The following DKKL1 variants were observed in gnomAD, a reference collection of about 807,000 sequenced individuals.
The protein encoded by DKKL1 is dickkopf-like protein 1.
DKKL1 carries 11 observed loss-of-function variants against 16.5 expected under a neutral mutation model. The observed-to-expected ratio is 0.67, with a 90% confidence interval of 0.42 to 1.10. The LOEUF (loss-of-function observed/expected upper bound fraction) is 1.10. Ranked by LOEUF, DKKL1 falls within the 50% of genes least tolerant of loss-of-function variation. DKKL1 has a pLI of 0.00. For missense variants in DKKL1, 320 were observed against 308.1 expected, an observed-to-expected ratio of 1.04 and a Z score of -0.29; for synonymous variants, 119 against 133.2, an observed-to-expected ratio of 0.89 and a Z score of 0.73.
Position 49,364,737 on chromosome 19 carries a change from A to T in DKKL1, c.166A>T (p.Ser56Cys). The change falls in exon 2 of 5, where the codon AGC becomes TGC. Residue 56 changes from serine to cysteine, a missense_variant. Physicochemically the swap from Ser to Cys is moderately radical, Grantham distance 112. Coordinates refer to ENST00000221498, the MANE Select transcript of DKKL1 (RefSeq NM_014419.4). ...CCTCCAGAGCCTACTCCAAGGCTTC[A>T]GCCGACTTTTCCTGAAAGTAAGCGA... ...TGLQSLLQGF[S>C]RLFLKGNLLR... The T allele has an allele frequency of 6.2e-7, 1 of 1,612,636 alleles. No individual in the cohort carries two copies. The highest frequency in any genetic ancestry group is 1.3e-5 in the African/African-American group (1 of 74,946).
Position 49,366,454 on chromosome 19 carries a change from A to G in DKKL1, c.417+569A>G, listed in dbSNP as rs551492158. Among the ~76,000 whole-genome samples, 20 of 151,648 alleles carry G rather than the reference A, an allele frequency of 1.3e-4. 1 individual carries two copies. Among genetic ancestry groups the G allele is most frequent in the African/African-American group, 4.8e-4 (20 of 41,298 alleles). On this transcript the variant is annotated intron_variant, in intron 4 of 4. Coordinates refer to ENST00000221498, the MANE Select transcript of DKKL1 (RefSeq NM_014419.4). ...GGTTTTCTTTTTTTTTTTTAACTAC[A>G]TAATAGTCAATCAAAGTGTTTCTAT...
intron 4 of DKKL1, among the ~76,000 whole-genome samples, chr19:49,366,362 T>C (rs1973250318): frequency 6.6e-6 from 1 of 152,148 alleles, no homozygotes; most frequent in African/African-American, 2.4e-5. Flanking sequence ...CTGTCAGAAA[T>C]GAGATTTTTG....
At chr19:49,373,473 G>T (rs1254980343) in intron 4 of DKKL1, among the ~76,000 whole-genome samples, 1 of 151,964 alleles carries the variant, frequency 6.6e-6, no homozygotes, top group Non-Finnish European at 1.5e-5. Flanking sequence ...ATGGTTGTTT[G>T]TTCGTTTGTT....
intron 4 of DKKL1, chr19:49,369,188 T>C (rs780394614): frequency 3.3e-5 from 5 of 152,208 alleles, no homozygotes; most frequent in Non-Finnish European, 2.9e-5. Context: ...GAAAACTTTT[T>C]GTCTGAATGC....
upstream of DKKL1, among the ~76,000 whole-genome samples, chr19:49,361,038 G>T: frequency 1.7e-5 from 1 of 58,982 alleles, no homozygotes; most frequent in African/African-American, 8.4e-5. Flanking sequence ...GGGAGGGGGG[G>T]ACAGAGACCA....
intron 4 of DKKL1, among the ~76,000 whole-genome samples, chr19:49,373,760 C>T (rs534412353): frequency 2.2e-4 from 34 of 152,096 alleles, no homozygotes; most frequent in Admixed American, 9.8e-4. Context: ...TGAGCCACCG[C>T]GTCCAGCCAG....
At chr19:49,365,709 C>G (rs1248150394) in intron 3 of DKKL1, 60 bp downstream of exon 3, 2 of 1,595,406 alleles carry the variant, frequency 1.3e-6, no homozygotes, top group African/African-American at 2.7e-5. Flanking sequence ...CCCGCCATCC[C>G]TCGTGCTGCA....
At chr19:49,372,427 C>T (rs75747868) in intron 4 of DKKL1, among the ~76,000 whole-genome samples, 33,999 of 152,058 alleles carry the variant, frequency 0.22, 3,986 homozygotes, top group Non-Finnish European at 0.25. Context: ...GGCACAGTGG[C>T]TCACACCTGT....
intron 4 of DKKL1, among the ~76,000 whole-genome samples, chr19:49,371,775 C>T (rs1973499536): frequency 6.6e-6 from 1 of 152,036 alleles, no homozygotes; most frequent in African/African-American, 2.4e-5. Flanking sequence ...CCTGACCCCC[C>T]ACCCCCCACC....
chr19:49,364,852 A>G (rs1379087908), intron 2 of DKKL1, 98 bp downstream of exon 2: 3 of 1,441,026 alleles, frequency 2.1e-6, no homozygotes, highest in Non-Finnish European at 2.8e-6. Context: ...GACAGACAGG[A>G]TGAGAGGGCA....
In DKKL1 at chr19:49,374,912, C is replaced by G. The variant is rs774632178; in HGVS notation, c.613C>G (p.Arg205Gly). ...HRLQAIRDGLRKGTHKDVLEE... is the reference protein window; with the variant it reads ...HRLQAIRDGLGKGTHKDVLEE... ...CCTGCAGGCCATCCGGGATGGACTC[C>G]GCAAGGGGACCCACAAGGACGTCCT... Residue 205 changes from arginine (R) to glycine (G), a missense_variant, in exon 5 of 5, where the codon CGC (arginine) becomes GGC (glycine). By Grantham distance (125) the Arg-to-Gly change is moderately radical. Coordinates refer to ENST00000221498, the MANE Select transcript of DKKL1 (RefSeq NM_014419.4). The G allele has an allele frequency of 2.5e-6, 4 of 1,613,862 alleles. No homozygotes were observed. In the South Asian group the frequency reaches 4.4e-5, roughly 18 times the overall value.
rs558336584 is a variant in DKKL1, at chr19:49,370,231, A to G, written c.417+4346A>G. The G allele has an allele frequency of 9.2e-5, 14 of 152,292 alleles. No individual in the cohort carries two copies. The South Asian group carries it at 1.0e-3, about 11-fold the overall frequency. 9.4% of individuals were successfully genotyped at this position (152,292 alleles called of 1,614,324 possible). ...GAGGATCCTCTGGAAGACCTCGCCA[A>G]TGAAATTTCAGATTAGGACACCCCA... On this transcript the variant is annotated intron_variant, in intron 4 of 4. Transcript: ENST00000221498.
At chr19:49,372,825 A>G (rs901949919) in intron 4 of DKKL1, among the ~76,000 whole-genome samples, 2 of 151,708 alleles carry the variant, frequency 1.3e-5, no homozygotes, top group Non-Finnish European at 2.9e-5. Flanking sequence ...AACATGGAGA[A>G]ACCCCGTCTC....
intron 1 of DKKL1, 63 bp from the exon 2 acceptor site, chr19:49,364,519 G>A (rs1414540954): frequency 6.8e-7 from 1 of 1,468,320 alleles, no homozygotes; most frequent in East Asian, 2.3e-5. Flanking sequence ...AGGTGCTGGA[G>A]AGGGGCGTCT....
chr19:49,362,919 G>GTTGTTGTTTTTTTTTT (rs1568588572), upstream of DKKL1, among the ~76,000 whole-genome samples: 1 of 130,258 alleles, frequency 7.7e-6, no homozygotes, highest in Non-Finnish European at 1.6e-5. Context: ...TGGTTTTTTT[G>GTTGTTGTTTTTTTTTT]TTTTTTGTTT....
rs201777358 is a variant in DKKL1, at chr19:49,363,974, C to A, written c.-25C>A. 175 of 1,612,724 alleles carry A rather than the reference C, an allele frequency of 1.1e-4. No individual in the cohort carries two copies. In the African/African-American group the frequency reaches 1.9e-3, roughly 18 times the overall value. The stretch of plus-strand genomic sequence containing the variant: ...CCCGGGCTGTGGTCTAGCATAAAGG[C>A]GGAGCCCAGAAGAAGGGGCGGGGTA... On this transcript the variant is annotated 5_prime_UTR_variant, in exon 1 of 5. Coordinates refer to ENST00000221498, the MANE Select transcript of DKKL1 (RefSeq NM_014419.4).
chr19:49,366,553 C>T (rs1973256654), intron 4 of DKKL1, among the ~76,000 whole-genome samples: 1 of 151,936 alleles, frequency 6.6e-6, no homozygotes, highest in Admixed American at 6.6e-5. Context: ...CCTCATAAAC[C>T]CCAAATTGTG....
chr19:49,372,566 C>G (rs553158095), intron 4 of DKKL1, among the ~76,000 whole-genome samples: 1 of 151,738 alleles, frequency 6.6e-6, no homozygotes, highest in Admixed American at 6.6e-5. Context: ...TGGTGGCAGG[C>G]GCCTGTAGTC....
chr19:49,373,171 C>A (rs1332849956), intron 4 of DKKL1, among the ~76,000 whole-genome samples: 2 of 151,796 alleles, frequency 1.3e-5, no homozygotes, highest in East Asian at 3.9e-4. Context: ...GGCATGGTGC[C>A]ATGCCCCTGT....
Sources: allele counts gnomAD v4.1 joint callset (sites outside exome capture counted in the v4.1 genomes callset), GRCh38; gene constraint gnomAD v4.1.1; transcripts MANE v1.5; gene names NCBI Gene and HGNC (gene_info 2026-07-23, HGNC 2026-07-21).